The following AGBL3 variants were observed in gnomAD, a reference collection of about 807,000 sequenced individuals.
AGBL3 encodes the protein AGBL carboxypeptidase 3, also known as cytosolic carboxypeptidase 3.
Under a neutral mutation model 94.5 loss-of-function variants are expected in AGBL3, and 68 were observed. That is an observed-to-expected ratio of 0.72 (90% confidence interval 0.59 to 0.88). The LOEUF is 0.88. AGBL3 is among the 40% of genes least tolerant of loss of function. The probability of loss-of-function intolerance (pLI) is 0.00; values close to 1 mark genes in which losing one functional copy is unlikely to be tolerated. For missense variants in AGBL3, 934 were observed against 1,103.8 expected (o/e 0.85, Z 2.18); for synonymous variants, 354 against 370.7 (o/e 0.95, Z 0.52).
chr7:135,031,067 A>AT (rs541054622), intron 5 of AGBL3, among the ~76,000 whole-genome samples: 2 of 150,084 alleles, frequency 1.3e-5, no homozygotes, highest in African/African-American at 4.9e-5. Flanking sequence ...TTATCTTTTC[A>AT]TTTTTTGTCT....
intron 7 of AGBL3, 151 bp from the exon 8 acceptor site, chr7:135,037,267 A>G (rs1816406176): frequency 3.7e-6 from 2 of 534,622 alleles, no homozygotes; most frequent in African/African-American, 2.0e-5. Context: ...GATTTAAAAA[A>G]TTGTATATTA....
At chr7:135,044,547 A>G (rs953535648) in intron 9 of AGBL3, among the ~76,000 whole-genome samples, 1 of 152,276 alleles carries the variant, frequency 6.6e-6, no homozygotes, top group African/African-American at 2.4e-5. Flanking sequence ...ACAAAAATTA[A>G]AAGTGTGCTT....
At chr7:135,040,485 T>C (rs1816741225) in intron 8 of AGBL3, among the ~76,000 whole-genome samples, 1 of 152,166 alleles carries the variant, frequency 6.6e-6, no homozygotes. Context: ...TTAATCATTG[T>C]AATCCACTAT....
intron 15 of AGBL3, among the ~76,000 whole-genome samples, chr7:135,105,384 TA>T (rs1458462231): frequency 1.3e-5 from 2 of 152,232 alleles, no homozygotes; most frequent in African/African-American, 4.8e-5. Context: ...TTCAAGTTTT[TA>T]ATCCATCTTG....
intron 12 of AGBL3, among the ~76,000 whole-genome samples, chr7:135,067,444 A>G (rs1258923484): frequency 6.6e-6 from 1 of 152,164 alleles, no homozygotes; most frequent in East Asian, 1.9e-4. Context: ...CTGCCTCCTC[A>G]AGTGGGTCCC....
intron 12 of AGBL3, among the ~76,000 whole-genome samples, chr7:135,063,536 G>A (rs997379329): frequency 1.1e-4 from 17 of 151,496 alleles, no homozygotes; most frequent in African/African-American, 4.1e-4. Context: ...TCTTAGAACT[G>A]CTTTTGCTGC....
At chr7:135,028,875 G>A (rs1381493514) in intron 5 of AGBL3, among the ~76,000 whole-genome samples, 1 of 152,130 alleles carries the variant, frequency 6.6e-6, no homozygotes, top group Non-Finnish European at 1.5e-5. Context: ...CTGCAGAATG[G>A]TTGTTTCGTT....
At chr7:135,119,358 T>C (rs1236352855) in intron 16 of AGBL3, among the ~76,000 whole-genome samples, 2 of 148,138 alleles carry the variant, frequency 1.4e-5, no homozygotes, top group African/African-American at 5.0e-5. Context: ...GCCTTCCGAG[T>C]AGCTGGGGTT....
intron 16 of AGBL3, among the ~76,000 whole-genome samples, chr7:135,122,514 A>G (rs768406110): frequency 6.6e-6 from 1 of 152,080 alleles, no homozygotes; most frequent in Non-Finnish European, 1.5e-5. Flanking sequence ...CCAGCGAAGC[A>G]CACCCCCCCA....
intron 11 of AGBL3, among the ~76,000 whole-genome samples, chr7:135,055,296 G>A (rs1426927654): frequency 6.6e-6 from 1 of 152,120 alleles, no homozygotes; most frequent in African/African-American, 2.4e-5. Flanking sequence ...TACTGTATTA[G>A]CTAGAACTTC....
At chr7:134,988,121 G>A in intron 2 of AGBL3, 125 bp downstream of exon 2, 1 of 766,908 alleles carries the variant, frequency 1.3e-6, no homozygotes, top group Non-Finnish European at 2.0e-6. Context: ...TGTCATTGAA[G>A]TTGGGAAATA....
chr7:134,998,762 A>C (rs1249526646), intron 4 of AGBL3, among the ~76,000 whole-genome samples: 3 of 152,232 alleles, frequency 2.0e-5, no homozygotes, highest in Admixed American at 1.3e-4. Context: ...AAAGGTTGAA[A>C]GGTAAGTTTC....
At chr7:135,036,935 T>C (rs1028624121) in intron 7 of AGBL3, among the ~76,000 whole-genome samples, 9 of 151,716 alleles carry the variant, frequency 5.9e-5, no homozygotes, top group South Asian at 2.1e-4. Flanking sequence ...ACTTTTTTTT[T>C]AGACGGAGTC....
chr7:134,990,972 G>T (rs1272569024), intron 3 of AGBL3, among the ~76,000 whole-genome samples: 1 of 152,272 alleles, frequency 6.6e-6, no homozygotes, highest in African/African-American at 2.4e-5. Flanking sequence ...TTAGGTTGAA[G>T]CAATAAGTTC....
At chr7:135,128,810 CTG>C (rs1197025934) in intron 16 of AGBL3, 1 of 1,174,940 alleles carries the variant, frequency 8.5e-7, no homozygotes, top group Non-Finnish European at 1.3e-6. Flanking sequence ...CAAGAGGAAA[CTG>C]TGGATGAGAC....
chr7:135,041,731 C>T (rs540372732), intron 8 of AGBL3, among the ~76,000 whole-genome samples: 2 of 152,234 alleles, frequency 1.3e-5, no homozygotes, highest in South Asian at 4.1e-4. Flanking sequence ...CTTTTGCTCT[C>T]TTAAAGATCC....
chr7:135,133,761 T>C lies in AGBL3; in HGVS notation c.2343-1080T>C, dbSNP rs181359860. ...TTTAAACTTACATCTTATACAAAAA[T>C]TAACTCACAAAAAAACCTGTGTGTA... On this transcript the variant is annotated intron_variant, in intron 16 of 16. Coordinates refer to ENST00000436302, the MANE Select transcript of AGBL3 (RefSeq NM_178563.4). Among the ~76,000 whole-genome samples, 78 of 152,166 alleles carry C rather than the reference T, an allele frequency of 5.1e-4. No individual in the cohort carries two copies. In the East Asian group the frequency reaches 0.014, roughly 26 times the overall value.
chr7:135,104,330 G>A (rs913065447), intron 15 of AGBL3, among the ~76,000 whole-genome samples: 1 of 152,112 alleles, frequency 6.6e-6, no homozygotes, highest in Non-Finnish European at 1.5e-5. Flanking sequence ...TAGGCATCTA[G>A]GTTGATTCCA....
At chr7:134,998,623 T>C (rs1811308033) in intron 4 of AGBL3, among the ~76,000 whole-genome samples, 1 of 152,198 alleles carries the variant, frequency 6.6e-6, no homozygotes, top group African/African-American at 2.4e-5. Context: ...AGAGTAAGGA[T>C]ATATAGGTAC....
Sources: gnomAD v4.1 joint callset for allele counts (sites outside exome capture counted in the v4.1 genomes callset) on GRCh38, gnomAD v4.1.1 for gene constraint, MANE v1.5 for transcripts, NCBI Gene and HGNC (gene_info 2026-07-23, HGNC 2026-07-21) for gene names.